IL1RAPL2: variants seen among roughly 807,000 people sequenced by gnomAD.
IL1RAPL2 encodes interleukin 1 receptor accessory protein like 2, also known as X-linked interleukin-1 receptor accessory protein-like 2.
In IL1RAPL2, 3 loss-of-function variants were observed where a neutral mutation model predicts 44.1. The ratio of observed to expected loss-of-function variants is 0.07; its 90% CI spans 0.03 to 0.18. The LOEUF (loss-of-function observed/expected upper bound fraction) is 0.18. Among genes scored for constraint, IL1RAPL2 ranks in the 10% least tolerant of loss-of-function variants. The pLI, the probability that IL1RAPL2 is intolerant of heterozygous loss-of-function variation, is 1.00. For missense variants in IL1RAPL2, 391 were observed against 496.4 expected (o/e 0.79, Z 2.02); for synonymous variants, 181 against 178.8 (o/e 1.01, Z -0.10).
At chrX:105,072,507 T>C (rs1196059700) in intron 2 of IL1RAPL2, among the ~76,000 whole-genome samples, 1 of 111,253 alleles carries the variant, frequency 9.0e-6, no homozygotes, top group African/African-American at 3.3e-5. Flanking sequence ...TTTGCAACTT[T>C]CTAGAGATTT....
At chrX:104,900,404 T>C (rs1923779631) in intron 2 of IL1RAPL2, among the ~76,000 whole-genome samples, 1 of 111,255 alleles carries the variant, frequency 9.0e-6, no homozygotes, top group African/African-American at 3.3e-5. Context: ...AGACCAGAGG[T>C]TCTTAACATA....
intron 2 of IL1RAPL2, among the ~76,000 whole-genome samples, chrX:105,115,046 C>A (rs773106540): frequency 8.9e-6 from 1 of 111,917 alleles, no homozygotes; most frequent in African/African-American, 3.2e-5. Flanking sequence ...TTTGTGGGTT[C>A]TTGGTCTCAC....
chrX:104,990,418 G>C (rs1336088901), intron 2 of IL1RAPL2, among the ~76,000 whole-genome samples: 1 of 107,875 alleles, frequency 9.3e-6, no homozygotes, highest in Non-Finnish European at 1.9e-5. Flanking sequence ...GGAGGTGTAT[G>C]TTTTTTTTTA....
At chrX:105,024,383 T>G (rs1295558178) in intron 2 of IL1RAPL2, among the ~76,000 whole-genome samples, 1 of 111,438 alleles carries the variant, frequency 9.0e-6, no homozygotes, top group African/African-American at 3.2e-5. Context: ...GATCTTTATA[T>G]CATATGTATA....
intron 1 of IL1RAPL2, among the ~76,000 whole-genome samples, chrX:104,605,941 AAG>A (rs1929000325): frequency 1.8e-5 from 2 of 112,022 alleles, no homozygotes; most frequent in African/African-American, 3.2e-5. Context: ...TCAATAGAAA[AAG>A]AGGGAGTCCT....
At chrX:104,606,274 T>A (rs1753250243) in intron 1 of IL1RAPL2, among the ~76,000 whole-genome samples, 1 of 111,690 alleles carries the variant, frequency 9.0e-6, no homozygotes, top group Non-Finnish European at 1.9e-5. Flanking sequence ...CAACACCCCT[T>A]CATGCTAAAA....
chrX:105,153,149 T>A (rs1419928276), intron 2 of IL1RAPL2, among the ~76,000 whole-genome samples: 1 of 112,381 alleles, frequency 8.9e-6, no homozygotes, highest in Non-Finnish European at 1.9e-5. Context: ...AGATTGACTT[T>A]GAATAGTTCT....
At chrX:105,278,909 C>T (rs2034506619) in intron 5 of IL1RAPL2, among the ~76,000 whole-genome samples, 1 of 111,447 alleles carries the variant, frequency 9.0e-6, no homozygotes, top group Non-Finnish European at 1.9e-5. Context: ...TTTTTCCACT[C>T]CTCTTTGCTA....
chrX:105,643,852 T>C (rs1722770874), intron 6 of IL1RAPL2, among the ~76,000 whole-genome samples: 3 of 112,105 alleles, frequency 2.7e-5, no homozygotes, highest in South Asian at 3.7e-4. Context: ...TGTTGTCTTA[T>C]GGTTCAATAG....
At chrX:105,532,033 C>G (rs1201534835) in intron 6 of IL1RAPL2, among the ~76,000 whole-genome samples, 1 of 111,653 alleles carries the variant, frequency 9.0e-6, no homozygotes, top group Non-Finnish European at 1.9e-5. Context: ...TTGTTGAACA[C>G]TTTCTTACTT....
chrX:105,653,328 G>A (rs181342541), intron 6 of IL1RAPL2, among the ~76,000 whole-genome samples: 1 of 111,639 alleles, frequency 9.0e-6, no homozygotes, highest in East Asian at 2.8e-4. Flanking sequence ...GCTGAAAAAT[G>A]GAACCTCGAC....
At chrX:105,366,477 T>C (rs1461587782) in intron 5 of IL1RAPL2, among the ~76,000 whole-genome samples, 3 of 111,324 alleles carry the variant, frequency 2.7e-5, no homozygotes, top group African/African-American at 9.8e-5. Flanking sequence ...GTCAGGTTTT[T>C]GTCACTTTGA....
chrX:104,968,985 G>C (rs953508077), intron 2 of IL1RAPL2, among the ~76,000 whole-genome samples: 11 of 89,284 alleles, frequency 1.2e-4, no homozygotes, highest in Non-Finnish European at 2.0e-4. Flanking sequence ...TTTGCTGTGT[G>C]TGTGTGTGTG....
At chrX:104,938,779 T>C (rs996201945) in intron 2 of IL1RAPL2, among the ~76,000 whole-genome samples, 10 of 111,257 alleles carry the variant, frequency 9.0e-5, no homozygotes, top group Non-Finnish European at 1.7e-4. Flanking sequence ...TTGGTTTCTT[T>C]GTGTAATCTG....
chrX:105,543,817 T>C (rs1026876496), intron 6 of IL1RAPL2, among the ~76,000 whole-genome samples: 2 of 112,139 alleles, frequency 1.8e-5, no homozygotes, highest in African/African-American at 6.5e-5. Flanking sequence ...AATGCCACAC[T>C]AGGGCTTTAT....
chrX:104,630,715 C>A (rs765807433), intron 1 of IL1RAPL2, among the ~76,000 whole-genome samples: 98 of 111,464 alleles, frequency 8.8e-4, no homozygotes, highest in Non-Finnish European at 1.5e-3. Context: ...TTGATAGGCA[C>A]TGCATCAAAT....
chrX:105,692,277 T>C (rs760394305), intron 6 of IL1RAPL2, among the ~76,000 whole-genome samples: 122 of 111,908 alleles, frequency 1.1e-3, no homozygotes, highest in African/African-American at 3.7e-3. Flanking sequence ...GGCACTAATA[T>C]TATCTCCATG....
chrX:104,950,451 C>G (rs1925539988), intron 2 of IL1RAPL2, among the ~76,000 whole-genome samples: 1 of 112,471 alleles, frequency 8.9e-6, no homozygotes, highest in Non-Finnish European at 1.9e-5. Flanking sequence ...AGAGGTGGAG[C>G]CTACAGAGGC....
intron 5 of IL1RAPL2, among the ~76,000 whole-genome samples, chrX:105,277,344 A>G (rs1353099380): frequency 8.9e-6 from 1 of 112,193 alleles, no homozygotes; most frequent in Non-Finnish European, 1.9e-5. Context: ...TTCATAATTG[A>G]CTGTTCTTTT....
Sources: gnomAD v4.1 joint callset for allele counts (sites outside exome capture counted in the v4.1 genomes callset) on GRCh38, gnomAD v4.1.1 for gene constraint, MANE v1.5 for transcripts, NCBI Gene and HGNC (gene_info 2026-07-23, HGNC 2026-07-21) for gene names.